Variants in GAD1 observed in about 807,000 individuals in gnomAD.
GAD1 encodes glutamate decarboxylase 1.
GAD1 carries 35 observed loss-of-function variants against 75.2 expected under a neutral mutation model. The ratio of observed to expected loss-of-function variants is 0.47; its 90% CI spans 0.36 to 0.62. The LOEUF (loss-of-function observed/expected upper bound fraction) is 0.62, where lower values mean the gene tolerates loss of function less well. GAD1 is among the 20% of genes least tolerant of loss of function. The pLI, the probability that GAD1 is intolerant of heterozygous loss-of-function variation, is 0.00. For missense variants in GAD1, 490 were observed against 758.5 expected (o/e 0.65, Z 4.16); for synonymous variants, 257 against 271.9 (o/e 0.95, Z 0.54).
At chr2:170,815,350 G>A (rs1701676376), upstream of GAD1, among the ~76,000 whole-genome samples, 1 of 152,154 alleles carries the variant, frequency 6.6e-6, no homozygotes, top group African/African-American at 2.4e-5. Flanking sequence ...GTCAGGTGGA[G>A]ACAAGGCGAC....
chr2:170,820,684 G>C (rs1701853164), intron 2 of GAD1, among the ~76,000 whole-genome samples: 1 of 152,118 alleles, frequency 6.6e-6, no homozygotes, highest in African/African-American at 2.4e-5. Context: ...GGGCTCTCTC[G>C]CTTGCTCTCC....
chr2:170,823,248 C>T (rs1019931271), intron 3 of GAD1, among the ~76,000 whole-genome samples: 1 of 152,210 alleles, frequency 6.6e-6, no homozygotes, highest in African/African-American at 2.4e-5. Flanking sequence ...CCCGCCCTAG[C>T]CCCGGAGCGC....
intron 3 of GAD1, among the ~76,000 whole-genome samples, chr2:170,823,313 G>T (rs1200749391): frequency 6.6e-6 from 1 of 152,222 alleles, no homozygotes; most frequent in Admixed American, 6.5e-5. Flanking sequence ...CAGCCTCCCT[G>T]GGTCCCGGGG....
Position 170,836,908 on chromosome 2 carries a change from A to C in GAD1, c.638+25A>C, listed in dbSNP as rs376446766. 6.5e-5 allele frequency: 99 copies of C among 1,517,128 alleles called. 1 individual carries two copies. The Middle Eastern group carries it at 3.9e-3, about 60-fold the overall frequency. 94.0% of individuals were successfully genotyped at this position (1,517,128 alleles called of 1,614,324 possible). ...TGTAAGTCTCATATGTTTTCATATA[A>C]GCAACCCTGATGTATGACTATGGCT... On this transcript the variant is annotated intron_variant, in intron 6 of 16. Coordinates refer to ENST00000358196, the MANE Select transcript of GAD1 (RefSeq NM_000817.3).
chr2:170,847,604 T>G (rs573494276), intron 10 of GAD1, 72 bp from the exon 11 acceptor site: 1 of 1,002,362 alleles, frequency 1.0e-6, no homozygotes, highest in Non-Finnish European at 1.6e-6. Context: ...TACACAATTC[T>G]TCTTCCTGTG....
In GAD1 at chr2:170,818,398, C is replaced by A; in HGVS notation, c.-63-131C>A. On this transcript the variant is annotated intron_variant, in intron 1 of 16. Coordinates refer to ENST00000358196, the MANE Select transcript of GAD1 (RefSeq NM_000817.3). This position sits in a 1 kb window ranked among gnomAD's most constrained non-coding sequence, Gnocchi z 5.9. ...TGCGCACCCCTACCAGGCAGGCTCGCTGCCTTTCCTCCCTCTTGTCTCTCC... is the reference window on the plus strand; with the variant it reads ...TGCGCACCCCTACCAGGCAGGCTCGATGCCTTTCCTCCCTCTTGTCTCTCC... 1.6e-6 allele frequency: 1 copy of A among 630,724 alleles called. No individual in the cohort carries two copies. Among genetic ancestry groups the A allele is most frequent in the Non-Finnish European group, 2.9e-6 (1 of 348,666 alleles). 39.1% of individuals were successfully genotyped at this position (630,724 alleles called of 1,614,324 possible).
At chr2:170,821,738 G>A in intron 2 of GAD1, 1 of 321,138 alleles carries the variant, frequency 3.1e-6, no homozygotes, top group Non-Finnish European at 5.9e-6. Flanking sequence ...TGGGCAGCTC[G>A]ATCGGAGCCT....
In GAD1 at chr2:170,847,555, AATAC is replaced by A. The variant is rs1480312193; in HGVS notation, c.1003-117_1003-114del. The A allele has an allele frequency of 1.2e-5, 9 of 777,618 alleles. No homozygotes were observed. The African/African-American group carries it at 1.5e-4, about 13-fold the overall frequency. The allele number at this position is 777,618 out of a possible 1,614,324, so 48.2% of individuals were successfully genotyped here. The stretch of plus-strand genomic sequence containing the variant: ...AACACTACTAGACATAGTATCTGGT[AATAC>A]ATAAGTTTTGCCATTTACTGTTAGA... On this transcript the variant is annotated intron_variant, in intron 10 of 16. Coordinates refer to ENST00000358196, the MANE Select transcript of GAD1 (RefSeq NM_000817.3).
intron 3 of GAD1, among the ~76,000 whole-genome samples, chr2:170,828,458 G>GTCCTCCCTCTGCTGTCCTTGATC (rs1419565405): frequency 1.8e-4 from 16 of 90,780 alleles, no homozygotes; most frequent in African/African-American, 5.0e-4. Context: ...GGTCCTCGCT[G>GTCCTCCCTCTGCTGTCCTTGATC]TCCTCCCTCT....
At chr2:170,854,368 C>T (rs1553581969) in intron 14 of GAD1, among the ~76,000 whole-genome samples, 1 of 150,464 alleles carries the variant, frequency 6.6e-6, no homozygotes, top group Non-Finnish European at 1.5e-5. Context: ...AATAAAATTA[C>T]TGCATTATTC....
intron 2 of GAD1, among the ~76,000 whole-genome samples, chr2:170,819,563 C>T (rs1403246266): frequency 6.6e-6 from 1 of 152,092 alleles, no homozygotes; most frequent in Non-Finnish European, 1.5e-5. Flanking sequence ...AATTTTATTT[C>T]CTACCTCTGT....
intron 2 of GAD1, among the ~76,000 whole-genome samples, chr2:170,821,051 C>T (rs1418413390): frequency 6.6e-6 from 1 of 152,250 alleles, no homozygotes; most frequent in East Asian, 1.9e-4. Context: ...CCCGCTGGGG[C>T]TCTGTTGTGC....
At chr2:170,845,943 A>C (rs763180988) in intron 9 of GAD1, 66 bp from the exon 10 acceptor site, 39 of 1,533,706 alleles carry the variant, frequency 2.5e-5, no homozygotes, top group Non-Finnish European at 3.4e-5. Context: ...CTGCTGCTAA[A>C]GTTTTTTTCA....
intron 12 of GAD1, among the ~76,000 whole-genome samples, chr2:170,852,309 C>G (rs542374042): frequency 6.6e-6 from 1 of 152,156 alleles, no homozygotes; most frequent in Non-Finnish European, 1.5e-5. Flanking sequence ...GTGAGGCACA[C>G]ACTCCCCATT....
rs979398289 is a variant in GAD1, at chr2:170,818,287, G to A, written c.-63-242G>A. The A allele has an allele frequency of 2.3e-5, 5 of 222,082 alleles. No individual in the cohort carries two copies. Among genetic ancestry groups the A allele is most frequent in the Admixed American group, 5.9e-5 (1 of 16,954 alleles). The allele number at this position is 222,082 out of a possible 1,614,324, so 13.8% of individuals were successfully genotyped here. ...TCACTCCAGGTCGCGCCGATGCACC[G>A]CCAGACTCGAGAGCGGCCCAGGGCT... On this transcript the variant is annotated intron_variant, in intron 1 of 16. Coordinates refer to ENST00000358196, the MANE Select transcript of GAD1 (RefSeq NM_000817.3). The surrounding 1 kb of genome is among the most constrained non-coding windows in gnomAD (Gnocchi z 5.9).
rs145603819 is a variant in GAD1 at position 170,831,129 on chromosome 2, C to T, written c.484C>T (p.Pro162Ser). ...EGFNLELSDH[P>S]ESLEQILVDC... ...CTTCAACTTGGAGCTCTCTGACCAC[C>T]CCGAGTCCCTGGAGCAGATCCTGGT... Residue 162 changes from proline to serine, a missense_variant, in exon 5 of 17, where the codon CCC (proline) becomes TCC (serine). Around this residue, in one of 3 missense-constraint regions of GAD1, gnomAD observed 165 missense variants for 216.4 expected, o/e 0.76. Coordinates refer to ENST00000358196, the MANE Select transcript of GAD1 (RefSeq NM_000817.3). 1.2e-6 allele frequency: 2 copies of T among 1,614,178 alleles called. No homozygotes were observed. Among genetic ancestry groups the T allele is most frequent in the East Asian group, 2.2e-5 (1 of 44,876 alleles).
intron 16 of GAD1, 96 bp downstream of exon 16, chr2:170,858,989 T>G: frequency 9.0e-7 from 1 of 1,106,412 alleles, no homozygotes; most frequent in Non-Finnish European, 1.4e-6. Context: ...GGGGGAAATA[T>G]AAAAAATAAA....
intron 6 of GAD1, chr2:170,842,825 T>TC: frequency 8.8e-7 from 1 of 1,130,946 alleles, no homozygotes; most frequent in South Asian, 1.7e-5. Context: ...ACTGCTTTTT[T>TC]CATCCACAAT....
chr2:170,850,922 G>A (rs1031537782), intron 12 of GAD1, among the ~76,000 whole-genome samples: 1 of 152,022 alleles, frequency 6.6e-6, no homozygotes, highest in South Asian at 2.1e-4. Context: ...GCTGAGGCTG[G>A]AGAATCACTA....
Sources: allele counts gnomAD v4.1 joint callset (sites outside exome capture counted in the v4.1 genomes callset), GRCh38; gene constraint gnomAD v4.1.1; regional missense constraint gnomAD v4.1.1; non-coding constraint Gnocchi (gnomAD v3.1); transcripts MANE v1.5; gene names NCBI Gene and HGNC (gene_info 2026-07-23, HGNC 2026-07-21).